The following MARK4 variants were observed in gnomAD, a reference collection of about 807,000 sequenced individuals.
MARK4 encodes the protein MAP/microtubule affinity-regulating kinase 4.
MARK4 carries 19 observed loss-of-function variants against 81.5 expected under a neutral mutation model. The ratio of observed to expected loss-of-function variants is 0.23; its 90% confidence interval spans 0.16 to 0.34. The LOEUF (loss-of-function observed/expected upper bound fraction) is 0.34. Among genes scored for constraint, MARK4 ranks in the 10% least tolerant of loss-of-function variants. The pLI is 1.00. For missense variants in MARK4, 772 were observed against 1,058.8 expected (o/e 0.73, Z 3.76); for synonymous variants, 436 against 439.0 (o/e 0.99, Z 0.08).
chr19:45,254,540 C>T (rs1970283507), intron 1 of MARK4, among the ~76,000 whole-genome samples: 1 of 152,244 alleles, frequency 6.6e-6, no homozygotes, highest in Non-Finnish European at 1.5e-5. Context: ...GGTTCGCATC[C>T]CAGCACTCTG....
chr19:45,303,039 A>C lies in MARK4; in HGVS notation c.*329A>C. 2.9e-6 allele frequency: 1 copy of C among 349,138 alleles called. No homozygotes were observed. The highest frequency in any genetic ancestry group is 5.3e-6 in the Non-Finnish European group (1 of 190,310). 21.6% of individuals were successfully genotyped at this position (349,138 alleles called of 1,614,324 possible). ...CTGAGGAAATCTTCCATTCCTCCCA[A>C]CAGCTCAAAATTAGGCCTTGGGCAG... On this transcript the variant is annotated 3_prime_UTR_variant, in exon 17 of 17. Coordinates refer to ENST00000262891, the MANE Select transcript of MARK4 (RefSeq NM_001199867.2).
intron 12 of MARK4, among the ~76,000 whole-genome samples, chr19:45,286,804 T>C (rs1394925205): frequency 2.0e-5 from 3 of 152,176 alleles, no homozygotes; most frequent in African/African-American, 4.8e-5. Flanking sequence ...TTTGGAGATA[T>C]TCATATATAA....
At chr19:45,288,110 C>T (rs344813) in intron 13 of MARK4, 93 of 186,542 alleles carry the variant, frequency 5.0e-4, no homozygotes, top group African/African-American at 2.0e-3. Context: ...TACCTGTGGT[C>T]CCAGCTACTC....
At chr19:45,255,377 A>G (rs1970293866) in intron 1 of MARK4, among the ~76,000 whole-genome samples, 1 of 152,014 alleles carries the variant, frequency 6.6e-6, no homozygotes, top group African/African-American at 2.4e-5. Flanking sequence ...CCTGGCCAAC[A>G]TGGTGAAACC....
intron 13 of MARK4, among the ~76,000 whole-genome samples, chr19:45,289,385 C>CAA (rs35129419): frequency 0.016 from 834 of 51,154 alleles, 17 homozygotes; most frequent in African/African-American, 0.02. Context: ...GACTCTGTTT[C>CAA]AAAAAAAAAA....
intron 13 of MARK4, among the ~76,000 whole-genome samples, chr19:45,294,022 G>A: frequency 6.6e-6 from 1 of 152,202 alleles, no homozygotes; most frequent in East Asian, 1.9e-4. Context: ...AACGTTTGGT[G>A]TGGCTGGGCT....
intron 2 of MARK4, among the ~76,000 whole-genome samples, chr19:45,260,551 G>T (rs1270443765): frequency 6.6e-6 from 1 of 151,490 alleles, no homozygotes; most frequent in Non-Finnish European, 1.5e-5. Context: ...ACAAAAATTA[G>T]CTGGGTGTGG....
chr19:45,254,144 GC>G (rs928388542), intron 1 of MARK4, among the ~76,000 whole-genome samples: 15 of 152,056 alleles, frequency 9.9e-5, no homozygotes, highest in African/African-American at 3.4e-4. Flanking sequence ...AAGTTCCAGG[GC>G]CCCCCACCAG....
At position 45,303,265 on chromosome 19, in the gene MARK4, G is replaced by A. The variant is rs948779984; in HGVS notation, c.*555G>A. The A allele has an allele frequency of 1.3e-5, 2 of 155,692 alleles. No individual in the cohort carries two copies. The highest frequency in any genetic ancestry group is 1.4e-5 in the Non-Finnish European group (1 of 70,168). The allele number at this position is 155,692 out of a possible 1,614,324, so 9.6% of individuals were successfully genotyped here. ...TGCAAAGGTCTCTTGAGGAGCTGCC[G>A]CTGTCACCTACGGTTTTTAAGTTAT... On this transcript the variant is annotated 3_prime_UTR_variant, in exon 17 of 17. Transcript: ENST00000262891.
rs1970427112 is a variant in MARK4, at chr19:45,264,676, C to G, written c.356-8C>G. ...CCTAATGCCCTACACTGTTCCCAAC[C>G]ATTATAGTGAAGCTCTTTGAGGTGA... On this transcript the variant is annotated splice_region_variant and splice_polypyrimidine_tract_variant and intron_variant, in intron 4 of 16. Transcript: ENST00000262891. 6.2e-7 allele frequency: 1 copy of G among 1,613,894 alleles called. No individual in the cohort carries two copies. Among genetic ancestry groups the G allele is most frequent in the Admixed American group, 1.7e-5 (1 of 59,978 alleles).
chr19:45,256,833 A>G (rs559670703), intron 1 of MARK4, among the ~76,000 whole-genome samples: 13 of 152,254 alleles, frequency 8.5e-5, no homozygotes, highest in Non-Finnish European at 1.6e-4. Flanking sequence ...TGTAGGCTCC[A>G]TTTTTCCAAC....
chr19:45,296,774 G>A (rs986032107), intron 14 of MARK4, among the ~76,000 whole-genome samples: 3 of 152,230 alleles, frequency 2.0e-5, no homozygotes, highest in Non-Finnish European at 2.9e-5. Context: ...TCTGGGCTGG[G>A]CGCAGTGGCT....
At chr19:45,255,961 G>C (rs1970303041) in intron 1 of MARK4, among the ~76,000 whole-genome samples, 1 of 152,274 alleles carries the variant, frequency 6.6e-6, no homozygotes. Context: ...CTGCGGGGGA[G>C]AGAGGCCAGG....
intron 13 of MARK4, among the ~76,000 whole-genome samples, chr19:45,293,041 G>T (rs1599801485): frequency 6.6e-6 from 1 of 152,210 alleles, no homozygotes; most frequent in Admixed American, 6.5e-5. Context: ...GCTGAGGCGG[G>T]TGGATCACTT....
At chr19:45,258,325 A>G (rs757582975) in intron 1 of MARK4, among the ~76,000 whole-genome samples, 1 of 152,092 alleles carries the variant, frequency 6.6e-6, no homozygotes, top group African/African-American at 2.4e-5. Flanking sequence ...AATCCAAAAG[A>G]TTCATGTGCA....
intron 13 of MARK4, among the ~76,000 whole-genome samples, chr19:45,288,920 C>T (rs932202194): frequency 8.6e-5 from 13 of 150,896 alleles, no homozygotes; most frequent in East Asian, 3.9e-4. Flanking sequence ...CCGGCATCTA[C>T]ATTCGGTCCC....
chr19:45,276,595 GC>G (rs1166661429), intron 8 of MARK4, among the ~76,000 whole-genome samples: 8 of 151,664 alleles, frequency 5.3e-5, no homozygotes, highest in African/African-American at 1.9e-4. Flanking sequence ...CTGGCTCTGG[GC>G]CAGGCATGTG....
intron 2 of MARK4, among the ~76,000 whole-genome samples, chr19:45,260,105 A>T (rs1472527058): frequency 6.6e-6 from 1 of 150,448 alleles, no homozygotes; most frequent in African/African-American, 2.5e-5. Flanking sequence ...AAAAAAATTA[A>T]AAGGCCGTGC....
chr19:45,278,661 TG>T (rs765936770), intron 10 of MARK4, 46 bp downstream of exon 10: 3 of 1,428,494 alleles, frequency 2.1e-6, no homozygotes, highest in Non-Finnish European at 3.0e-6. Flanking sequence ...TGGAGTGCAG[TG>T]GTGCAATCTC....
Sources: allele counts gnomAD v4.1 joint callset (sites outside exome capture counted in the v4.1 genomes callset), GRCh38; gene constraint gnomAD v4.1.1; transcripts MANE v1.5; gene names NCBI Gene and HGNC (gene_info 2026-07-23, HGNC 2026-07-21).